Variants in RHBDL3 observed in about 807,000 individuals in gnomAD.
RHBDL3 encodes rhomboid-related protein 3.
In RHBDL3, 28 loss-of-function variants were observed where a neutral mutation model predicts 48.2. That is an observed-to-expected ratio of 0.58 (90% CI 0.43 to 0.80). The LOEUF (loss-of-function observed/expected upper bound fraction) is 0.80, where lower values mean the gene tolerates loss of function less well. Ranked by LOEUF, RHBDL3 falls within the 30% of genes least tolerant of loss-of-function variation. The probability of loss-of-function intolerance (pLI) is 0.00; values close to 1 mark genes in which losing one functional copy is unlikely to be tolerated. For synonymous variants in RHBDL3, 208 were observed against 232.3 expected, an observed-to-expected ratio of 0.90 and a Z score of 0.95; for missense variants, 464 against 542.7, an observed-to-expected ratio of 0.85 and a Z score of 1.44.
rs758355167 is a variant in RHBDL3, at chr17:32,321,034, T to C, written c.1020T>C (p.Phe340=). Residue 340 remains phenylalanine (F), a synonymous_variant, in exon 9 of 9, where the codon TTT becomes TTC. Transcript: ENST00000269051. The part of the protein sequence containing the change: ...SAYPPCPHPS[F]VAHLGGVAVG... ...ATCCCCCGTGCCCTCACCCAAGCTT[T>C]GTGGCGCACTTGGGTGGCGTGGCCG... The C allele has an allele frequency of 5.0e-6, 8 of 1,614,184 alleles. No homozygotes were observed. In the Admixed American group the frequency reaches 5.0e-5, roughly 10 times the overall value.
chr17:32,281,129 G>C (rs950743489), intron 2 of RHBDL3, among the ~76,000 whole-genome samples: 3 of 152,156 alleles, frequency 2.0e-5, no homozygotes, highest in Non-Finnish European at 2.9e-5. Context: ...GCAGAGAACC[G>C]AGGCTCGGCC....
chr17:32,288,680 A>G, intron 3 of RHBDL3, 112 bp from the exon 4 acceptor site: 4 of 703,616 alleles, frequency 5.7e-6, no homozygotes, highest in Non-Finnish European at 9.8e-6. Context: ...ATTATAGGAG[A>G]AAGGGAAATG....
chr17:32,283,608 C>A (rs559335861), intron 2 of RHBDL3, among the ~76,000 whole-genome samples: 30 of 151,984 alleles, frequency 2.0e-4, no homozygotes, highest in Non-Finnish European at 3.7e-4. Flanking sequence ...CAGGCTTGAG[C>A]CACTGCGCCT....
chr17:32,285,013 C>G (rs1452295159), intron 3 of RHBDL3, among the ~76,000 whole-genome samples, 196 bp downstream of exon 3: 1 of 152,210 alleles, frequency 6.6e-6, no homozygotes, highest in Non-Finnish European at 1.5e-5. Flanking sequence ...CAGTGTCAGC[C>G]CATCCTCAAG....
intron 6 of RHBDL3, among the ~76,000 whole-genome samples, chr17:32,299,480 C>T (rs2040533307): frequency 6.6e-6 from 1 of 152,212 alleles, no homozygotes; most frequent in Non-Finnish European, 1.5e-5. Context: ...CTTGTTCAGC[C>T]ACCCACACAC....
chr17:32,288,659 T>C (rs559721705), intron 3 of RHBDL3, 133 bp from the exon 4 acceptor site: 2 of 648,434 alleles, frequency 3.1e-6, no homozygotes, highest in African/African-American at 3.7e-5. Flanking sequence ...GAATGTTGCT[T>C]CTTATTAACA....
At chr17:32,266,609 G>C (rs2039637329) in intron 1 of RHBDL3, among the ~76,000 whole-genome samples, 1 of 152,184 alleles carries the variant, frequency 6.6e-6, no homozygotes, top group Non-Finnish European at 1.5e-5. Flanking sequence ...GCGTTTTCCC[G>C]CAGAGGCGGC....
intron 3 of RHBDL3, 151 bp from the exon 4 acceptor site, chr17:32,288,641 A>G: frequency 3.2e-6 from 2 of 625,128 alleles, no homozygotes; most frequent in South Asian, 2.0e-5. Flanking sequence ...ACCTAACAAG[A>G]CCTTGGTGAA....
Position 32,266,319 on chromosome 17 carries a change from C to T in RHBDL3, c.111+19C>T, listed in dbSNP as rs1403892256. On this transcript the variant is annotated intron_variant, in intron 1 of 8. Transcript: ENST00000269051. ...GGAGGACGTGAGTGCCCCCTCCCCG[C>T]CCGGCAAACTTTCTAGGGGGCGCCG... is the stretch of plus-strand genomic sequence containing the variant. The T allele has an allele frequency of 7.4e-7, 1 of 1,356,132 alleles. No homozygotes were observed. Among genetic ancestry groups the T allele is most frequent in the Non-Finnish European group, 9.8e-7 (1 of 1,023,862 alleles). The allele number at this position is 1,356,132 out of a possible 1,614,324, so 84.0% of individuals were successfully genotyped here.
chr17:32,302,116 A>G (rs2040596851), intron 6 of RHBDL3, among the ~76,000 whole-genome samples: 1 of 152,178 alleles, frequency 6.6e-6, no homozygotes, highest in Admixed American at 6.5e-5. Flanking sequence ...CCAGTTTGCC[A>G]TTCTCTCCTA....
At chr17:32,274,472 C>A (rs749446602) in intron 2 of RHBDL3, among the ~76,000 whole-genome samples, 1 of 152,136 alleles carries the variant, frequency 6.6e-6, no homozygotes, top group Non-Finnish European at 1.5e-5. Flanking sequence ...AAATATTCTT[C>A]GAGGGAGCAA....
At chr17:32,319,603 A>G (rs1195704844) in intron 8 of RHBDL3, among the ~76,000 whole-genome samples, 3 of 152,032 alleles carry the variant, frequency 2.0e-5, no homozygotes, top group Non-Finnish European at 2.9e-5. Flanking sequence ...CAGTCCCTGG[A>G]TGCGCCTTTT....
At position 32,321,533 on chromosome 17, in the gene RHBDL3, A is replaced by T. The variant is rs534293753; in HGVS notation, c.*304A>T. On this transcript the variant is annotated 3_prime_UTR_variant, in exon 9 of 9. Transcript: ENST00000269051. ...CCCTCACCTGGGCTGGGCTTCTTCC[A>T]TGGGGCCAGGGGGTGCCCCCTCACT... 363 of 563,994 alleles carry T rather than the reference A, an allele frequency of 6.4e-4. 2 individuals are homozygous for T. Among genetic ancestry groups the T allele is most frequent in the South Asian group, 4.7e-3 (235 of 50,458 alleles). The allele number at this position is 563,994 out of a possible 1,614,324, so 34.9% of individuals were successfully genotyped here.
At chr17:32,301,608 AT>A (rs2040584899) in intron 6 of RHBDL3, among the ~76,000 whole-genome samples, 1 of 151,868 alleles carries the variant, frequency 6.6e-6, no homozygotes, top group Admixed American at 6.6e-5. Context: ...ATCACATGAG[AT>A]GGGGAGTTTG....
At position 32,313,788 on chromosome 17, in the gene RHBDL3, A is replaced by T. The variant is rs11651449; in HGVS notation, c.883-2444A>T. ...TTTTTTTTTTTTTGAGACGAGTCTCACTCTGTCGTCCAGGCTGGAGTGCAG... is the reference window on the plus strand; with the variant it reads ...TTTTTTTTTTTTTGAGACGAGTCTCTCTCTGTCGTCCAGGCTGGAGTGCAG... On this transcript the variant is annotated intron_variant, in intron 7 of 8. Transcript: ENST00000269051. Among the ~76,000 whole-genome samples the T allele has an allele frequency of 1.2e-4, 16 of 129,334 alleles. No homozygotes were observed. In the East Asian group the frequency reaches 1.9e-3, roughly 15 times the overall value. 84.8% of individuals were successfully genotyped at this position (129,334 alleles called of 152,430 possible). A position where few individuals can be genotyped will look rare whatever the true frequency, so the allele number is the denominator to read the frequency against.
chr17:32,267,572 C>A (rs1468712402), intron 1 of RHBDL3: 4 of 166,260 alleles, frequency 2.4e-5, no homozygotes, highest in Non-Finnish European at 4.9e-5. Flanking sequence ...ATTAGAGGCG[C>A]TTGGACATAT....
Position 32,266,139 on chromosome 17 carries a change from G to T in RHBDL3, c.-51G>T, listed in dbSNP as rs2039621740. 2 of 687,122 alleles carry T rather than the reference G, an allele frequency of 2.9e-6. No individual in the cohort carries two copies. The highest frequency in any genetic ancestry group is 1.9e-6 in the Non-Finnish European group (1 of 531,782). 42.6% of individuals were successfully genotyped at this position (687,122 alleles called of 1,614,324 possible). ...CGCCGCGGCGCAAAGTTAGCCCGGC[G>T]CCCCGGGACGAGCCCCGCAGCCGCC... On this transcript the variant is annotated 5_prime_UTR_variant, in exon 1 of 9. Coordinates refer to ENST00000269051, the MANE Select transcript of RHBDL3 (RefSeq NM_138328.3).
chr17:32,282,965 G>A (rs11080178), intron 2 of RHBDL3, among the ~76,000 whole-genome samples: 1 of 152,108 alleles, frequency 6.6e-6, no homozygotes, highest in African/African-American at 2.4e-5. Context: ...ACTCCTGACT[G>A]TTGCTCTTTG....
At chr17:32,302,547 A>T (rs981164436) in intron 6 of RHBDL3, among the ~76,000 whole-genome samples, 1 of 137,036 alleles carries the variant, frequency 7.3e-6, no homozygotes, top group Non-Finnish European at 1.6e-5. Flanking sequence ...ATATATATAT[A>T]TATATTTTTT....
Sources: gnomAD v4.1 joint callset for allele counts (sites outside exome capture counted in the v4.1 genomes callset) on GRCh38, gnomAD v4.1.1 for gene constraint, MANE v1.5 for transcripts, NCBI Gene and HGNC (gene_info 2026-07-23, HGNC 2026-07-21) for gene names.